TRPM6: variants seen among roughly 807,000 people sequenced by gnomAD.
The protein encoded by TRPM6 is transient receptor potential cation channel subfamily M member 6.
A neutral mutation model predicts 247.6 loss-of-function variants in TRPM6; 111 were observed. That is an observed-to-expected ratio of 0.45 (90% confidence interval 0.38 to 0.52). The LOEUF (loss-of-function observed/expected upper bound fraction) is 0.52. TRPM6 is among the 20% of genes least tolerant of loss of function. The probability of loss-of-function intolerance (pLI) is 0.00; values close to 1 mark genes in which losing one functional copy is unlikely to be tolerated. For missense variants in TRPM6, 2,126 were observed against 2,421.5 expected, an observed-to-expected ratio of 0.88 and a Z score of 2.56; for synonymous variants, 892 against 853.8, an observed-to-expected ratio of 1.04 and a Z score of -0.78.
chr9:74,744,030 G>A, intron 32 of TRPM6, 65 bp downstream of exon 32: 10 of 1,517,128 alleles, frequency 6.6e-6, no homozygotes, highest in Non-Finnish European at 9.2e-6. Flanking sequence ...CAGTGTTTCT[G>A]TTTACAAATG....
intron 5 of TRPM6, among the ~76,000 whole-genome samples, chr9:74,835,556 T>A (rs1829696353): frequency 6.6e-6 from 1 of 152,130 alleles, no homozygotes; most frequent in African/African-American, 2.4e-5. Flanking sequence ...TAGTAATTAG[T>A]ACAGTAGCCA....
At chr9:74,815,234 C>T (rs1179724604) in intron 11 of TRPM6, among the ~76,000 whole-genome samples, 2 of 151,506 alleles carry the variant, frequency 1.3e-5, no homozygotes, top group Admixed American at 6.6e-5. Context: ...CACAGCATAA[C>T]ACTGGAAAAG....
At chr9:74,743,239 T>A (rs1472343186) in intron 32 of TRPM6, among the ~76,000 whole-genome samples, 1 of 151,952 alleles carries the variant, frequency 6.6e-6, no homozygotes, top group Non-Finnish European at 1.5e-5. Flanking sequence ...GGTTGAGGAG[T>A]CTGGAATCCA....
At chr9:74,786,994 T>A (rs1398691936) in intron 20 of TRPM6, among the ~76,000 whole-genome samples, 2 of 151,834 alleles carry the variant, frequency 1.3e-5, no homozygotes, top group African/African-American at 4.8e-5. Context: ...AGGTCAGGAG[T>A]TCGAGACCAG....
chr9:74,806,603 AC>A (rs1462992986), intron 14 of TRPM6, among the ~76,000 whole-genome samples: 1 of 152,038 alleles, frequency 6.6e-6, no homozygotes, highest in Non-Finnish European at 1.5e-5. Flanking sequence ...ACTAACGATG[AC>A]TCTGCACCCT....
Position 74,776,017 on chromosome 9 carries a change from C to T in TRPM6, c.3269G>A (p.Arg1090His), listed in dbSNP as rs1404211581. Reference sequence around the variant, plus strand: ...CTTCTCGTGGTAGGTCATGATGTAGCGATAGCGGTTGTATTTCCACAGGTT... The same window carrying T: ...CTTCTCGTGGTAGGTCATGATGTAGTGATAGCGGTTGTATTTCCACAGGTT... Reference protein sequence around the residue: ...SNNLWKYNRYRYIMTYHEKPW... With the variant: ...SNNLWKYNRYHYIMTYHEKPW... Residue 1090 changes from arginine to histidine, a missense_variant, in exon 24 of 39, where the codon CGC (arginine) becomes CAC (histidine). By Grantham distance (29) the Arg-to-His change is conservative. Transcript: ENST00000360774. 10 of 1,613,996 alleles carry T rather than the reference C, an allele frequency of 6.2e-6. No individual in the cohort carries two copies. The highest frequency in any genetic ancestry group is 6.8e-6 in the Non-Finnish European group (8 of 1,180,004).
intron 9 of TRPM6, among the ~76,000 whole-genome samples, chr9:74,819,382 G>T (rs1188581037): frequency 6.6e-6 from 1 of 151,930 alleles, no homozygotes; most frequent in Non-Finnish European, 1.5e-5. Flanking sequence ...GGTGGCTCAT[G>T]CCTATAATCC....
chr9:74,803,644 C>G, intron 15 of TRPM6, 150 bp downstream of exon 15: 1 of 726,590 alleles, frequency 1.4e-6, no homozygotes, highest in Non-Finnish European at 2.5e-6. Flanking sequence ...TACTGGACAG[C>G]TGTGTTATGC....
rs868380148 is a variant in TRPM6, at chr9:74,728,307, T to G, written c.5867A>C (p.Glu1956Ala). The change falls in exon 38 of 39, where the codon GAA (glutamate) becomes GCA (alanine). Residue 1956 changes from glutamate to alanine, a missense_variant. Coordinates refer to ENST00000360774, the MANE Select transcript of TRPM6 (RefSeq NM_017662.5). The stretch of plus-strand genomic sequence containing the variant: ...TGCAATGAAGTTTCTAATTGCATCT[T>G]CCCCCAAATTGGCCGGTCCAAACAC... ...GMVFGPANLG[E>A]DAIRNFIAKH... is the part of the protein sequence containing the mutation. The G allele has an allele frequency of 6.2e-7, 1 of 1,614,032 alleles. No individual in the cohort carries two copies. Among genetic ancestry groups the G allele is most frequent in the Non-Finnish European group, 8.5e-7 (1 of 1,179,970 alleles).
chr9:74,746,286 A>G (rs1826044796), intron 31 of TRPM6, among the ~76,000 whole-genome samples: 1 of 152,022 alleles, frequency 6.6e-6, no homozygotes, highest in South Asian at 2.1e-4. Context: ...ACATTATCAG[A>G]GTCTTGATAT....
At chr9:74,833,053 GAA>G (rs1221401751) in intron 6 of TRPM6, among the ~76,000 whole-genome samples, 3 of 134,612 alleles carry the variant, frequency 2.2e-5, no homozygotes, top group Non-Finnish European at 3.2e-5. Flanking sequence ...TCCGTCTCAG[GAA>G]AAAAAAAAAA....
intron 28 of TRPM6, among the ~76,000 whole-genome samples, 166 bp downstream of exon 28, chr9:74,755,186 TA>T (rs1332051681): frequency 6.6e-6 from 1 of 152,162 alleles, no homozygotes; most frequent in Non-Finnish European, 1.5e-5. Flanking sequence ...GTCCCTTTCA[TA>T]AAAATGAAAA....
rs543105546 is a variant in TRPM6 at position 74,817,823 on chromosome 9, T to C, written c.1135-859A>G. Reference sequence around the variant, plus strand: ...CATTTCATATAGTAGAAGGAGCTATTTTAATGAAAAAGCCAAGATTGGCAA... The same window carrying C: ...CATTTCATATAGTAGAAGGAGCTATCTTAATGAAAAAGCCAAGATTGGCAA... On this transcript the variant is annotated intron_variant, in intron 9 of 38. Transcript: ENST00000360774. 7.2e-5 allele frequency among the ~76,000 whole-genome samples: 11 copies of C among 152,312 alleles called. No individual in the cohort carries two copies. The South Asian group carries it at 2.1e-3, about 29-fold the overall frequency.
At chr9:74,793,476 C>A (rs1444813675) in intron 18 of TRPM6, among the ~76,000 whole-genome samples, 1 of 152,076 alleles carries the variant, frequency 6.6e-6, no homozygotes. Flanking sequence ...CTCAGCCTCC[C>A]AAGTAGCTGG....
At chr9:74,772,768 G>A (rs961500808) in intron 24 of TRPM6, among the ~76,000 whole-genome samples, 1 of 152,152 alleles carries the variant, frequency 6.6e-6, no homozygotes, top group Admixed American at 6.6e-5. Context: ...AGCACTTTGG[G>A]AGGCCGAGGC....
At chr9:74,855,901 G>A (rs1336696798) in intron 2 of TRPM6, among the ~76,000 whole-genome samples, 1 of 152,058 alleles carries the variant, frequency 6.6e-6, no homozygotes, top group African/African-American at 2.4e-5. Flanking sequence ...AATATGTAAT[G>A]TGTCTTATGG....
In TRPM6 at chr9:74,887,824, C is replaced by T; in HGVS notation, c.33G>A (p.Gln11=). 1 of 1,614,164 alleles carries T rather than the reference C, an allele frequency of 6.2e-7. No homozygotes were observed. The highest frequency in any genetic ancestry group is 8.5e-7 in the Non-Finnish European group (1 of 1,180,032). ...CGCCAGTCGAGCAGCCTGAGCTTAC[C>T]TGCAAGCGCTCCAAGACAGGTTGTT... MKEQPVLERL[Q]SQKSWIKGVF... The change falls in exon 1 of 39, where the codon CAG becomes CAA. Residue 11 remains glutamine (Q), a splice_region_variant and synonymous_variant. Transcript: ENST00000360774.
At chr9:74,809,542 A>G (rs1423548612) in intron 13 of TRPM6, among the ~76,000 whole-genome samples, 1 of 152,220 alleles carries the variant, frequency 6.6e-6, no homozygotes, top group Non-Finnish European at 1.5e-5. Context: ...GCTGCTAGTT[A>G]GAACATATTT....
chr9:74,802,816 A>C (rs762879438), intron 15 of TRPM6, among the ~76,000 whole-genome samples: 1 of 152,192 alleles, frequency 6.6e-6, no homozygotes, highest in African/African-American at 2.4e-5. Flanking sequence ...TCTCCACCTG[A>C]TAAATCCCCA....
Sources: gnomAD v4.1 joint callset for allele counts (sites outside exome capture counted in the v4.1 genomes callset) on GRCh38, gnomAD v4.1.1 for gene constraint, MANE v1.5 for transcripts, NCBI Gene and HGNC (gene_info 2026-07-23, HGNC 2026-07-21) for gene names.